BLTP1: variants seen among roughly 807,000 people sequenced by gnomAD.
BLTP1 encodes fragile site-associated protein.
the BLTP1 span, chr4:122,223,253 A>T: frequency 4.4e-4 from 232 of 529,370 alleles, no homozygotes; most frequent in East Asian, 2.7e-3. Flanking sequence ...CTTAAAAAAA[A>T]TTTTTTTAAG....
At chr4:122,218,231 T>A in the BLTP1 span, among the ~76,000 whole-genome samples, 2 of 152,158 alleles carry the variant, frequency 1.3e-5, no homozygotes, top group African/African-American at 2.4e-5. Flanking sequence ...TGTTATTTTT[T>A]AAAAATTCAA....
the BLTP1 span, chr4:122,209,990 A>G: frequency 1.3e-6 from 2 of 1,553,668 alleles, no homozygotes; most frequent in Non-Finnish European, 1.7e-6. Context: ...CATGAAAAAT[A>G]AGAAGCAAAT....
chr4:122,270,556 C>T, the BLTP1 span, among the ~76,000 whole-genome samples: 2 of 151,716 alleles, frequency 1.3e-5, no homozygotes, highest in Non-Finnish European at 2.9e-5. Flanking sequence ...AATTGCTTTT[C>T]CTGTCTGCTT....
At chr4:122,267,203 C>T in the BLTP1 span, among the ~76,000 whole-genome samples, 8 of 151,452 alleles carry the variant, frequency 5.3e-5, no homozygotes, top group South Asian at 2.1e-4. Flanking sequence ...GGACCACAAG[C>T]GCCTGCCACC....
chr4:122,272,170 C>T, the BLTP1 span: 2 of 1,612,146 alleles, frequency 1.2e-6, no homozygotes, highest in Non-Finnish European at 1.7e-6. Context: ...GAGTTCGGAG[C>T]CCTACAGAGC....
chr4:122,284,059 T>C, the BLTP1 span, among the ~76,000 whole-genome samples: 1 of 152,218 alleles, frequency 6.6e-6, no homozygotes, highest in South Asian at 2.1e-4. Flanking sequence ...TATTAAGATA[T>C]CTAGGTATCT....
chr4:122,303,891 A>G, the BLTP1 span, among the ~76,000 whole-genome samples: 1 of 152,206 alleles, frequency 6.6e-6, no homozygotes, highest in African/African-American at 2.4e-5. Flanking sequence ...CAAAGGATTT[A>G]GAATGTTCCA....
At chr4:122,154,647 G>C in the BLTP1 span, among the ~76,000 whole-genome samples, 1 of 152,202 alleles carries the variant, frequency 6.6e-6, no homozygotes, top group African/African-American at 2.4e-5. Flanking sequence ...GCCGAGGCGG[G>C]CGGATCACAA....
the BLTP1 span, chr4:122,276,289 G>A: frequency 2.7e-6 from 1 of 373,206 alleles, no homozygotes; most frequent in Non-Finnish European, 4.0e-6. Flanking sequence ...TTTCAGACAT[G>A]TTACTATTAA....
chr4:122,208,738 T>C, the BLTP1 span: 1 of 822,080 alleles, frequency 1.2e-6, no homozygotes, highest in Non-Finnish European at 1.5e-6. Context: ...TTTACCTGAC[T>C]GTCGAATGCA....
chr4:122,265,927 C>T, the BLTP1 span, among the ~76,000 whole-genome samples: 1 of 152,164 alleles, frequency 6.6e-6, no homozygotes, highest in African/African-American at 2.4e-5. Context: ...TCGATCTGAC[C>T]TCGTGATCCA....
the BLTP1 span, among the ~76,000 whole-genome samples, chr4:122,192,927 C>G: frequency 3.9e-4 from 60 of 152,288 alleles, no homozygotes; most frequent in African/African-American, 1.4e-3. Context: ...TATTTTCTCA[C>G]AATTCTAGAG....
the BLTP1 span, chr4:122,210,775 G>A: frequency 7.3e-7 from 1 of 1,363,054 alleles, no homozygotes. Flanking sequence ...ATTAGTTGAT[G>A]TCATATTTGC....
the BLTP1 span, chr4:122,173,061 T>G: frequency 6.2e-7 from 1 of 1,613,136 alleles, no homozygotes; most frequent in Non-Finnish European, 8.5e-7. Context: ...GTGGATGGAT[T>G]ATTTACCTCA....
chr4:122,328,504 A>G, the BLTP1 span: 4 of 790,160 alleles, frequency 5.1e-6, no homozygotes, highest in Non-Finnish European at 5.3e-6. Flanking sequence ...AATAAAATTT[A>G]TTTTAATAAA....
At chr4:122,264,291 A>G in the BLTP1 span, 1 of 1,609,572 alleles carries the variant, frequency 6.2e-7, no homozygotes, top group African/African-American at 1.3e-5. Context: ...TCAGCCTCAG[A>G]TTTCAACACT....
the BLTP1 span, chr4:122,308,224 G>T: frequency 6.5e-7 from 1 of 1,537,082 alleles, no homozygotes; most frequent in Non-Finnish European, 8.9e-7. Context: ...CCATTTCTAA[G>T]TATTTAGAAT....
the BLTP1 span, chr4:122,174,432 G>A: frequency 7.2e-7 from 1 of 1,389,908 alleles, no homozygotes. Context: ...TGGAAAATCA[G>A]TAAGGCTGTA....
At chr4:122,305,551 G>A in the BLTP1 span, 5 of 984,782 alleles carry the variant, frequency 5.1e-6, no homozygotes, top group Middle Eastern at 5.2e-4. Flanking sequence ...TTAAAGATAC[G>A]AGGAAAAAAT....
Sources: allele counts gnomAD v4.1 joint callset (sites outside exome capture counted in the v4.1 genomes callset), GRCh38; gene constraint gnomAD v4.1.1; transcripts MANE v1.5; gene names NCBI Gene and HGNC (gene_info 2026-07-23, HGNC 2026-07-21).